Variants in NBPF20 observed in about 807,000 individuals in gnomAD.
NBPF20 encodes the protein NBPF family member NBPF20.
NBPF20 carries 90 observed loss-of-function variants against 68.1 expected under a neutral mutation model. That is an observed-to-expected ratio of 1.32 (90% CI 1.11 to 1.58). The LOEUF (loss-of-function observed/expected upper bound fraction) is 1.58. Ranked by LOEUF, NBPF20 falls within the 40% of genes most tolerant of loss-of-function variation. The pLI is 0.00. For missense variants in NBPF20, 816 were observed against 601.2 expected (o/e 1.36, Z -3.74); for synonymous variants, 290 against 228.1 (o/e 1.27, Z -2.45).
intron 7 of NBPF20, among the ~76,000 whole-genome samples, chr1:145,395,701 C>T (rs1553663659): frequency 1.3e-5 from 2 of 148,744 alleles, no homozygotes; most frequent in Non-Finnish European, 2.9e-5. Context: ...CCAAGAAATC[C>T]CTGTTTGAGG....
chr1:145,311,867 G>C (rs1312902613), intron 112 of NBPF20, among the ~76,000 whole-genome samples: 3 of 112,204 alleles, frequency 2.7e-5, no homozygotes, highest in Admixed American at 8.5e-5. Context: ...GAGGATTTTA[G>C]ATGCTGAAAT....
At chr1:145,410,542 T>C (rs2101609393), upstream of NBPF20, among the ~76,000 whole-genome samples, 1 of 150,826 alleles carries the variant, frequency 6.6e-6, no homozygotes, top group African/African-American at 2.4e-5. Flanking sequence ...CTCGATCTCC[T>C]GACCTCGTGA....
At chr1:145,297,964 C>G in exon 130 of NBPF20, 6 of 151,506 alleles carry the variant, frequency 4.0e-5, no homozygotes, top group South Asian at 2.1e-4. Context: ...GTACTCACCT[C>G]CCACGTCGAG....
At chr1:145,419,546 C>T in the NBPF20 span, among the ~76,000 whole-genome samples, 99 of 152,246 alleles carry the variant, frequency 6.5e-4, 1 homozygote, top group African/African-American at 2.4e-3. Flanking sequence ...CCTGCTGCTC[C>T]TTGTCCACTC....
At chr1:145,403,127 A>G (rs1277748998) in intron 3 of NBPF20, 89 bp downstream of exon 8, 1 of 1,479,388 alleles carries the variant, frequency 6.8e-7, no homozygotes, top group African/African-American at 1.4e-5. Context: ...CCCCTGGCCC[A>G]GCTTAGCTCT....
intron 137 of NBPF20, 46 bp from the exon 143 acceptor site, chr1:145,291,815 A>G: frequency 6.2e-7 from 1 of 1,611,948 alleles, no homozygotes; most frequent in Non-Finnish European, 8.5e-7. Context: ...GAAAATCAGA[A>G]ACCACAGAGC....
Position 145,393,065 on chromosome 1 carries a change from G to T in NBPF20, c.1216+9C>A. The stretch of plus-strand genomic sequence containing the variant: ...TGGATCCTTATCACCTTCATAGAAA[G>T]GTACTCACCATCCATGTCAACAGCC... On this transcript the variant is annotated intron_variant, in intron 10 of 137. Coordinates refer to ENST00000369373, the Ensembl canonical transcript of NBPF20. 1.1e-5 allele frequency: 6 copies of T among 538,434 alleles called. No homozygotes were observed. The highest frequency in any genetic ancestry group is 1.6e-5 in the Non-Finnish European group (5 of 320,164). 33.4% of individuals were successfully genotyped at this position (538,434 alleles called of 1,614,324 possible). A position where few individuals can be genotyped will look rare whatever the true frequency, so the allele number is the denominator to read the frequency against.
intron 8 of NBPF20, among the ~76,000 whole-genome samples, chr1:145,394,330 T>C (rs2101538468): frequency 6.6e-6 from 1 of 151,720 alleles, no homozygotes; most frequent in East Asian, 1.9e-4. Context: ...AGAGATTTGA[T>C]GAAGGGGTGC....
At chr1:145,410,816 G>GTATA in the NBPF20 span, among the ~76,000 whole-genome samples, 26 of 117,104 alleles carry the variant, frequency 2.2e-4, no homozygotes, top group African/African-American at 6.9e-4. Context: ...ATATATATAC[G>GTATA]TATATATATA....
chr1:145,291,262 T>A, exon 138 of NBPF20: 3 of 601,520 alleles, frequency 5.0e-6, no homozygotes, highest in Non-Finnish European at 8.7e-6. Context: ...TACCCAGAGA[T>A]ACGTGGTTCA....
chr1:145,394,508 A>C (rs1193942665), intron 8 of NBPF20, among the ~76,000 whole-genome samples: 2 of 152,134 alleles, frequency 1.3e-5, no homozygotes, highest in African/African-American at 4.8e-5. Flanking sequence ...AATGGGAATA[A>C]ATTCAGTGAA....
At chr1:145,419,193 AAAG>A in the NBPF20 span, among the ~76,000 whole-genome samples, 1 of 149,360 alleles carries the variant, frequency 6.7e-6, no homozygotes. Context: ...GGGAAAGAAT[AAAG>A]AGAGAGAGAA....
chr1:145,291,466 C>A lies in NBPF20; in HGVS notation c.*60G>T, dbSNP rs587719161. 5.5e-5 allele frequency: 89 copies of A among 1,611,982 alleles called. No homozygotes were observed. In the African/African-American group the frequency reaches 8.9e-4, roughly 16 times the overall value. ...AATGGAACTGTACTTTCATTCAAAT[C>A]TTCACGTGCCTATAGGTCCTGCCTG... On this transcript the variant is annotated 3_prime_UTR_variant, in exon 138 of 138. Transcript: ENST00000369373.
chr1:145,421,433 T>C, the NBPF20 span, among the ~76,000 whole-genome samples: 36 of 152,240 alleles, frequency 2.4e-4, no homozygotes, highest in African/African-American at 3.6e-4. Context: ...GACTCTGCTG[T>C]ATACAAGCTA....
chr1:145,340,752 T>C lies in NBPF20; in HGVS notation c.9268+15A>G, dbSNP rs1661598383. 7.8e-6 allele frequency: 1 copy of C among 128,054 alleles called. No individual in the cohort carries two copies. The highest frequency in any genetic ancestry group is 1.2e-4 in the Admixed American group (1 of 8,230). The allele number at this position is 128,054 out of a possible 1,614,324, so 7.9% of individuals were successfully genotyped here. ...ACTCAGTGGATCCTTATCACCTTCATAGAAAGGTACTCACCATCCATGTCA... is the reference window on the plus strand; with the variant it reads ...ACTCAGTGGATCCTTATCACCTTCACAGAAAGGTACTCACCATCCATGTCA... On this transcript the variant is annotated intron_variant, in intron 76 of 137. Coordinates refer to ENST00000369373, the Ensembl canonical transcript of NBPF20.
the NBPF20 span, among the ~76,000 whole-genome samples, chr1:145,414,952 A>G: frequency 6.6e-6 from 1 of 152,134 alleles, no homozygotes; most frequent in South Asian, 2.1e-4. Flanking sequence ...AAAGAGACAC[A>G]GAGACAAAGT....
At chr1:145,407,245 A>T (rs1274209054), upstream of NBPF20, among the ~76,000 whole-genome samples, 5 of 149,876 alleles carry the variant, frequency 3.3e-5, no homozygotes, top group Non-Finnish European at 7.4e-5. Flanking sequence ...ACTTGGACAC[A>T]GGACGGGGAA....
the NBPF20 span, among the ~76,000 whole-genome samples, chr1:145,425,164 CG>C: frequency 6.6e-6 from 1 of 152,168 alleles, no homozygotes; most frequent in South Asian, 2.1e-4. Flanking sequence ...CGGGCGGCAG[CG>C]GCAAGTGAGG....
At chr1:145,292,616 A>G (rs1661209007) in intron 136 of NBPF20, 127 bp from the exon 142 acceptor site, 9 of 745,468 alleles carry the variant, frequency 1.2e-5, no homozygotes, top group Non-Finnish European at 1.9e-5. Flanking sequence ...TTTGAGAGAT[A>G]TATTTCAGGA....
Sources: allele counts gnomAD v4.1 joint callset (sites outside exome capture counted in the v4.1 genomes callset), GRCh38; gene constraint gnomAD v4.1.1; transcripts MANE v1.5; gene names NCBI Gene and HGNC (gene_info 2026-07-23, HGNC 2026-07-21).